The following ARHGEF7 variants were observed in gnomAD, a reference collection of about 807,000 sequenced individuals.
ARHGEF7 encodes Rho guanine nucleotide exchange factor 7.
In ARHGEF7, 33 loss-of-function variants were observed where a neutral mutation model predicts 109.8. That is an observed-to-expected ratio of 0.30 (90% CI 0.23 to 0.40). ARHGEF7 has a LOEUF of 0.40. Among genes scored for constraint, ARHGEF7 ranks in the 10% least tolerant of loss-of-function variants. The pLI is 1.00. For synonymous variants in ARHGEF7, 458 were observed against 424.6 expected, an observed-to-expected ratio of 1.08 and a Z score of -0.97; for missense variants, 938 against 1,098.5, an observed-to-expected ratio of 0.85 and a Z score of 2.07.
At position 111,277,637 on chromosome 13, in the gene ARHGEF7, G is replaced by A. The variant is rs1181171619; in HGVS notation, c.1470G>A (p.Leu490=). The change falls in exon 13 of 22, where the codon TTG becomes TTA. Residue 490 remains leucine, a synonymous_variant. Coordinates refer to ENST00000646102, the MANE Select transcript of ARHGEF7 (RefSeq NM_001354046.2). Reference sequence around the variant, plus strand: ...TCTTCCCAAATGTTTTGCTAATGTTGTCTGCCAGTCCTAGGATGAGTGGCT... The same window carrying A: ...TCTTCCCAAATGTTTTGCTAATGTTATCTGCCAGTCCTAGGATGAGTGGCT... ...LLLFPNVLLM[L]SASPRMSGFI... The A allele has an allele frequency of 6.2e-7, 1 of 1,607,196 alleles. No homozygotes were observed. Among genetic ancestry groups the A allele is most frequent in the Non-Finnish European group, 8.5e-7 (1 of 1,174,052 alleles).
intron 2 of ARHGEF7, among the ~76,000 whole-genome samples, chr13:111,161,499 CA>C (rs2076739627): frequency 6.6e-6 from 1 of 152,148 alleles, no homozygotes. Context: ...TAAATTCATG[CA>C]AAACTCTTAG....
intron 1 of ARHGEF7, among the ~76,000 whole-genome samples, chr13:111,120,746 A>G (rs2067143960): frequency 1.3e-5 from 2 of 152,238 alleles, no homozygotes; most frequent in African/African-American, 4.8e-5. Flanking sequence ...TTAAAAGAGA[A>G]TAAGATGTCT....
chr13:111,163,792 C>T (rs2076924247), intron 2 of ARHGEF7, among the ~76,000 whole-genome samples: 1 of 152,172 alleles, frequency 6.6e-6, no homozygotes. Context: ...ACCTCAGCCT[C>T]CCAGAGTGCT....
At chr13:111,269,715 C>T (rs995019541) in intron 9 of ARHGEF7, among the ~76,000 whole-genome samples, 7 of 152,106 alleles carry the variant, frequency 4.6e-5, no homozygotes, top group Non-Finnish European at 7.4e-5. Flanking sequence ...CAGCAGGTGC[C>T]GCCACTGTGG....
chr13:111,202,395 TGCCCTTTTACA>T (rs1332004219), intron 2 of ARHGEF7, among the ~76,000 whole-genome samples: 1 of 152,230 alleles, frequency 6.6e-6, no homozygotes, highest in African/African-American at 2.4e-5. Context: ...TGGAGTATCC[TGCCCTTTTACA>T]GCCCCCCAGG....
intron 12 of ARHGEF7, among the ~76,000 whole-genome samples, chr13:111,276,314 T>A (rs925338049): frequency 6.6e-6 from 1 of 152,208 alleles, no homozygotes; most frequent in African/African-American, 2.4e-5. Context: ...GCGAAATGAC[T>A]CATTTTTGAA....
intron 3 of ARHGEF7, 58 bp downstream of exon 3, chr13:111,205,431 TG>T: frequency 1.6e-6 from 2 of 1,279,620 alleles, no homozygotes; most frequent in South Asian, 3.0e-5. Flanking sequence ...CTGACACCTT[TG>T]GTTTTCTTGT....
At chr13:111,301,026 G>A (rs1464473183) in intron 20 of ARHGEF7, among the ~76,000 whole-genome samples, 179 bp downstream of exon 20, 2 of 151,888 alleles carry the variant, frequency 1.3e-5, no homozygotes, top group East Asian at 3.9e-4. Context: ...TCAGCTCACT[G>A]CAACCTCCAC....
intron 5 of ARHGEF7, among the ~76,000 whole-genome samples, chr13:111,231,846 T>A (rs1594989310): frequency 6.6e-6 from 1 of 151,852 alleles, no homozygotes; most frequent in African/African-American, 2.4e-5. Flanking sequence ...GCAGTGGAGG[T>A]GAGCTTTGAG....
chr13:111,165,320 G>A (rs577762083), intron 2 of ARHGEF7, among the ~76,000 whole-genome samples: 1 of 152,328 alleles, frequency 6.6e-6, no homozygotes, highest in African/African-American at 2.4e-5. Flanking sequence ...CTTAGTAGAT[G>A]TTCATGCCTG....
intron 2 of ARHGEF7, among the ~76,000 whole-genome samples, chr13:111,189,406 C>T (rs1170980501): frequency 6.6e-6 from 1 of 152,164 alleles, no homozygotes; most frequent in Non-Finnish European, 1.5e-5. Context: ...AGTGAAGCCG[C>T]AGACCTTCGC....
chr13:111,168,410 C>T (rs2077307836), intron 2 of ARHGEF7, among the ~76,000 whole-genome samples: 1 of 152,204 alleles, frequency 6.6e-6, no homozygotes, highest in Admixed American at 6.5e-5. Context: ...TTTCTTCAAG[C>T]TTCATGCTGC....
intron 1 of ARHGEF7, among the ~76,000 whole-genome samples, chr13:111,121,017 G>A (rs930653152): frequency 2.0e-5 from 3 of 152,224 alleles, no homozygotes; most frequent in East Asian, 1.9e-4. Flanking sequence ...GAAAGGAGAC[G>A]GAGGCAGCAG....
chr13:111,180,918 C>G (rs1337923288), intron 2 of ARHGEF7, among the ~76,000 whole-genome samples: 1 of 152,194 alleles, frequency 6.6e-6, no homozygotes, highest in Non-Finnish European at 1.5e-5. Flanking sequence ...TTTAAGATGT[C>G]TGATTGCAAA....
chr13:111,240,993 T>C (rs1420921006), intron 6 of ARHGEF7, among the ~76,000 whole-genome samples: 17 of 152,194 alleles, frequency 1.1e-4, no homozygotes. Flanking sequence ...ACTCCTTTAA[T>C]GATGCAACGA....
intron 2 of ARHGEF7, among the ~76,000 whole-genome samples, chr13:111,196,360 C>A (rs1234880515): frequency 6.6e-6 from 1 of 152,162 alleles, no homozygotes; most frequent in African/African-American, 2.4e-5. Flanking sequence ...GACTAAGATA[C>A]CAGGTATCAC....
chr13:111,140,625 G>A (rs969318155), intron 1 of ARHGEF7, among the ~76,000 whole-genome samples: 2 of 152,150 alleles, frequency 1.3e-5, no homozygotes, highest in Admixed American at 6.5e-5. Flanking sequence ...ATAAGGGAGC[G>A]ATTGTGTAGT....
intron 1 of ARHGEF7, chr13:111,153,701 G>A (rs747009380): frequency 1.5e-6 from 2 of 1,313,334 alleles, no homozygotes; most frequent in Non-Finnish European, 1.9e-6. Flanking sequence ...GATTGGTGCA[G>A]CCCCGGAGGA....
At chr13:111,179,570 A>T (rs920786751) in intron 2 of ARHGEF7, among the ~76,000 whole-genome samples, 2 of 152,200 alleles carry the variant, frequency 1.3e-5, no homozygotes, top group African/African-American at 4.8e-5. Context: ...CTATAATGTT[A>T]TCGCTTATGC....
Sources: allele counts gnomAD v4.1 joint callset (sites outside exome capture counted in the v4.1 genomes callset), GRCh38; gene constraint gnomAD v4.1.1; transcripts MANE v1.5; gene names NCBI Gene and HGNC (gene_info 2026-07-23, HGNC 2026-07-21).